The following CLCNKB variants were observed in gnomAD, a reference collection of about 807,000 sequenced individuals.
The protein encoded by CLCNKB is chloride channel protein ClC-Kb.
Under a neutral mutation model 83.8 loss-of-function variants are expected in CLCNKB, and 74 were observed. That is an observed-to-expected ratio of 0.88 (90% CI 0.73 to 1.07). The LOEUF is 1.07. Ranked by LOEUF, CLCNKB falls within the 50% of genes least tolerant of loss-of-function variation. The pLI is 0.00. For synonymous variants in CLCNKB, 358 were observed against 356.6 expected (o/e 1.00, Z -0.04); for missense variants, 798 against 893.6 (o/e 0.89, Z 1.36).
intron 7 of CLCNKB, 53 bp downstream of exon 7, chr1:16,048,635 A>T: frequency 6.2e-7 from 1 of 1,603,384 alleles, no homozygotes. Context: ...CTCCCCTCAC[A>T]CCCTGGGCTC....
In CLCNKB at chr1:16,055,448, G is replaced by C. The variant is rs200238496; in HGVS notation, c.1770G>C (p.Leu590=). The C allele has an allele frequency of 6.2e-7, 1 of 1,613,420 alleles. No homozygotes were observed. The highest frequency in any genetic ancestry group is 1.3e-5 in the African/African-American group (1 of 74,862). ...PLVESTESQI[L]VGIVRRAQLV... Reference sequence around the variant, plus strand: ...TCCACTTGCCAGAGTCCCAGATCCTGGTGGGCATAGTGCGAAGGGCCCAGC... The same window carrying C: ...TCCACTTGCCAGAGTCCCAGATCCTCGTGGGCATAGTGCGAAGGGCCCAGC... Residue 590 remains leucine (L), a synonymous_variant, in exon 17 of 20, where the codon CTG becomes CTC. Transcript: ENST00000375679.
At position 16,048,517 on chromosome 1, in the gene CLCNKB, A is replaced by G; in HGVS notation, c.590A>G (p.Gln197Arg). ...TIGEPENKSK[Q>R]NEMLVAAAAV... is the part of the protein sequence containing the mutation. ...CGGATCCCCCAGAACAAGAGCAAGC[A>G]AAACGAAATGCTGGTGGCAGCGGCG... The change falls in exon 7 of 20, where the codon CAA becomes CGA. Residue 197 changes from glutamine (Q) to arginine (R), a missense_variant. Coordinates refer to ENST00000375679, the MANE Select transcript of CLCNKB (RefSeq NM_000085.5). 5 of 1,613,352 alleles carry G rather than the reference A, an allele frequency of 3.1e-6. No individual in the cohort carries two copies. Among genetic ancestry groups the G allele is most frequent in the Non-Finnish European group, 4.2e-6 (5 of 1,179,664 alleles).
rs2275167 is a variant in CLCNKB at position 16,053,757 on chromosome 1, C to G, written c.1741C>G (p.Leu581Val). ...VTSTDVAKYPLVESTESQILV... is the reference protein window; with the variant it reads ...VTSTDVAKYPVVESTESQILV... Reference sequence around the variant, plus strand: ...CTCCACAGACGTGGCCAAGTATCCCCTGGTGGAGAGCACAGGTGCCCAGCC... The same window carrying G: ...CTCCACAGACGTGGCCAAGTATCCCGTGGTGGAGAGCACAGGTGCCCAGCC... Residue 581 changes from leucine (L) to valine (V), a missense_variant, in exon 16 of 20, where the codon CTG becomes GTG. Leu to Val is a conservative substitution (Grantham distance 32, BLOSUM62 1). Transcript: ENST00000375679. 1 of 1,611,058 alleles carries G rather than the reference C, an allele frequency of 6.2e-7. No individual in the cohort carries two copies. Among genetic ancestry groups the G allele is most frequent in the Admixed American group, 1.7e-5 (1 of 59,934 alleles).
chr1:16,048,230 C>G, intron 5 of CLCNKB, 113 bp from the exon 6 acceptor site: 1 of 1,478,682 alleles, frequency 6.8e-7, no homozygotes, highest in Non-Finnish European at 9.3e-7. Context: ...TGAGGACGGC[C>G]GTGGGGGCTT....
chr1:16,045,392 C>T (rs896150941), intron 2 of CLCNKB, among the ~76,000 whole-genome samples, 166 bp from the exon 3 acceptor site: 10 of 152,286 alleles, frequency 6.6e-5, no homozygotes, highest in Middle Eastern at 3.4e-3. Context: ...AAATCCTGCC[C>T]GGCCACTTAT....
At position 16,052,282 on chromosome 1, in the gene CLCNKB, C is replaced by T. The variant is rs930387665; in HGVS notation, c.1493C>T (p.Ala498Val). Residue 498 changes from alanine (A) to valine (V), a missense_variant, in exon 15 of 20, where the codon GCA (alanine) becomes GTA (valine). Transcript: ENST00000375679. ...AFEVTGQIVHALPVLMAVLAA... is the reference protein window; with the variant it reads ...AFEVTGQIVHVLPVLMAVLAA... ...GAGGTGACCGGCCAGATAGTGCATG[C>T]ACTGCCCGTGCTGATGGCGGTGCTG... 6.2e-7 allele frequency: 1 copy of T among 1,613,350 alleles called. No homozygotes were observed. The highest frequency in any genetic ancestry group is 8.5e-7 in the Non-Finnish European group (1 of 1,180,046).
chr1:16,052,103 T>G, intron 14 of CLCNKB, 95 bp from the exon 15 acceptor site: 1 of 1,499,014 alleles, frequency 6.7e-7, no homozygotes, highest in Non-Finnish European at 9.2e-7. Context: ...CTCTTACAAA[T>G]CACACCTTAG....
Position 16,052,357 on chromosome 1 carries a change from C to G in CLCNKB, c.1568C>G (p.Thr523Ser), listed in dbSNP as rs753453987. 2 of 1,613,114 alleles carry G rather than the reference C, an allele frequency of 1.2e-6. No homozygotes were observed. Among genetic ancestry groups the G allele is most frequent in the African/African-American group, 2.7e-5 (2 of 74,922 alleles). ...QSCQPSFYDG[T>S]VIVKKLPYLP... ...TGCCAGCCCTCCTTCTATGATGGCA[C>G]CGTCATTGTCAAGAAGCTGCCATAC... Residue 523 changes from threonine (T) to serine (S), a missense_variant, in exon 15 of 20, where the codon ACC (threonine) becomes AGC (serine). Coordinates refer to ENST00000375679, the MANE Select transcript of CLCNKB (RefSeq NM_000085.5).
chr1:16,056,080 C>T (rs1417673976), intron 18 of CLCNKB, among the ~76,000 whole-genome samples: 1 of 152,206 alleles, frequency 6.6e-6, no homozygotes, highest in African/African-American at 2.4e-5. Flanking sequence ...CCGCATTCTC[C>T]CTGTGTGATC....
At chr1:16,050,689 C>G in intron 11 of CLCNKB, 89 bp downstream of exon 11, 3 of 1,502,224 alleles carry the variant, frequency 2.0e-6, no homozygotes, top group Non-Finnish European at 2.8e-6. Context: ...CCCAATACCC[C>G]ATAAGGGAGA....
At chr1:16,044,992 G>C (rs1349673499) in intron 2 of CLCNKB, among the ~76,000 whole-genome samples, 1 of 152,188 alleles carries the variant, frequency 6.6e-6, no homozygotes, top group Non-Finnish European at 1.5e-5. Flanking sequence ...TTCACTTTGA[G>C]ACCTGACTGT....
Position 16,055,508 on chromosome 1 carries a change from G to A in CLCNKB, c.1830G>A (p.Trp610Ter), listed in dbSNP as rs121909136. 162 of 1,612,542 alleles carry A rather than the reference G, an allele frequency of 1.0e-4. No individual in the cohort carries two copies. Among genetic ancestry groups the A allele is most frequent in the East Asian group, 6.0e-4 (27 of 44,882 alleles). ...CCCTGAAGGCTGAGCCTCCTTCCTG[G>A]GCTCCTGGACACCAGGTGGGTACTC... ...VQALKAEPPS[W>*]APGHQQCLQD... The change falls in exon 17 of 20, where the codon TGG (tryptophan) becomes TGA (stop). Residue 610 changes from tryptophan to a stop codon, truncating the protein, a stop_gained. Transcript: ENST00000375679. LOFTEE classifies it high-confidence loss of function.
At position 16,055,514 on chromosome 1, in the gene CLCNKB, TG is replaced by T. The variant is rs1239361856; in HGVS notation, c.1838del (p.Gly613AspfsTer19). 1.9e-6 allele frequency: 3 copies of T among 1,560,732 alleles called. No homozygotes were observed. The highest frequency in any genetic ancestry group is 2.6e-6 in the Non-Finnish European group (3 of 1,148,380). ...AGGCTGAGCCTCCTTCCTGGGCTCC[TG>T]GACACCAGGTGGGTACTCCTGAGGG... ...LKAEPPSWAPGHQQCLQDILA... is the reference protein window; with the variant it reads ...LKAEPPSWAPXHQQCLQDILA... On this transcript the variant is annotated frameshift_variant, in exon 17 of 20. Coordinates refer to ENST00000375679, the MANE Select transcript of CLCNKB (RefSeq NM_000085.5). LOFTEE classifies it high-confidence loss of function.
intron 10 of CLCNKB, 55 bp from the exon 11 acceptor site, chr1:16,050,461 T>C: frequency 6.3e-7 from 1 of 1,578,530 alleles, no homozygotes; most frequent in Middle Eastern, 1.7e-4. Flanking sequence ...TGCTTCCCTC[T>C]CCTTGGGATG....
rs753559692 is a variant in CLCNKB at position 16,056,522 on chromosome 1, G to C, written c.2016+14G>C. The stretch of plus-strand genomic sequence containing the variant: ...TCCTGGGTGGAGGTACCAGGGTCCC[G>C]GGGGCAGAGCAAAGCAGGGAACCTA... On this transcript the variant is annotated intron_variant, in intron 19 of 19. Coordinates refer to ENST00000375679, the MANE Select transcript of CLCNKB (RefSeq NM_000085.5). 3.1e-6 allele frequency: 5 copies of C among 1,595,592 alleles called. No homozygotes were observed. The African/African-American group carries it at 8.2e-5, about 26-fold the overall frequency.
intron 12 of CLCNKB, 32 bp downstream of exon 12, chr1:16,051,080 G>A: frequency 6.2e-7 from 1 of 1,612,450 alleles, no homozygotes; most frequent in Non-Finnish European, 8.5e-7. Context: ...TGTGCACAGA[G>A]CTGGGACCAG....
At chr1:16,046,688 T>A (rs758728854) in intron 4 of CLCNKB, 25 bp downstream of exon 4, 1 of 1,574,192 alleles carries the variant, frequency 6.4e-7, no homozygotes, top group East Asian at 2.4e-5. Context: ...GCTACGCCAG[T>A]CCCCACTGGC....
chr1:16,050,763 C>T (rs949556066), intron 11 of CLCNKB, 112 bp from the exon 12 acceptor site: 5 of 1,557,676 alleles, frequency 3.2e-6, no homozygotes, highest in African/African-American at 2.7e-5. Flanking sequence ...GCCCAAGGCC[C>T]CCCGCTGGGA....
At chr1:16,051,283 C>G (rs1286009396) in intron 12 of CLCNKB, among the ~76,000 whole-genome samples, 195 bp from the exon 13 acceptor site, 1 of 152,172 alleles carries the variant, frequency 6.6e-6, no homozygotes, top group Non-Finnish European at 1.5e-5. Flanking sequence ...AGGAATGTAC[C>G]TGGCACAGTG....
Sources: allele counts gnomAD v4.1 joint callset (sites outside exome capture counted in the v4.1 genomes callset), GRCh38; gene constraint gnomAD v4.1.1; transcripts MANE v1.5; gene names NCBI Gene and HGNC (gene_info 2026-07-23, HGNC 2026-07-21).